The following WDR25 variants were observed in gnomAD, a reference collection of about 807,000 sequenced individuals.
WDR25 encodes the protein WD repeat-containing protein 25.
Under a neutral mutation model 47.7 loss-of-function variants are expected in WDR25, and 35 were observed. The observed-to-expected ratio is 0.73, with a 90% CI of 0.56 to 0.97. The LOEUF (loss-of-function observed/expected upper bound fraction) is 0.97. WDR25 is among the 50% of genes least tolerant of loss of function. WDR25 has a pLI of 0.00. For synonymous variants in WDR25, 248 were observed against 278.9 expected (o/e 0.89, Z 1.10); for missense variants, 634 against 704.7 (o/e 0.90, Z 1.14).
chr14:100,432,373 G>A (rs992963294), intron 2 of WDR25, among the ~76,000 whole-genome samples: 6 of 152,140 alleles, frequency 3.9e-5, no homozygotes, highest in Non-Finnish European at 7.3e-5. Flanking sequence ...TTACTGTCAC[G>A]ATGCCTGAAT....
chr14:100,470,591 A>G (rs1566926009), intron 3 of WDR25, among the ~76,000 whole-genome samples: 1 of 152,214 alleles, frequency 6.6e-6, no homozygotes, highest in Non-Finnish European at 1.5e-5. Context: ...CTGCCATAGC[A>G]GCTGGCGGGC....
intron 4 of WDR25, among the ~76,000 whole-genome samples, chr14:100,513,748 A>C (rs1901390368): frequency 6.6e-6 from 1 of 151,294 alleles, no homozygotes; most frequent in African/African-American, 2.4e-5. Context: ...GGCTGGTCTC[A>C]AATTCCTGAG....
chr14:100,521,069 T>G (rs892282173), intron 4 of WDR25, among the ~76,000 whole-genome samples: 1 of 152,198 alleles, frequency 6.6e-6, no homozygotes, highest in Non-Finnish European at 1.5e-5. Context: ...ATTGGCAAAC[T>G]ACAGTTGATG....
intron 4 of WDR25, among the ~76,000 whole-genome samples, chr14:100,521,510 C>T (rs2029877919): frequency 2.0e-5 from 3 of 152,174 alleles, no homozygotes; most frequent in Non-Finnish European, 2.9e-5. Context: ...CTCTTCTTTA[C>T]ACAGTTTTTT....
At chr14:100,423,345 C>T (rs1228303067) in intron 2 of WDR25, among the ~76,000 whole-genome samples, 1 of 152,072 alleles carries the variant, frequency 6.6e-6, no homozygotes, top group African/African-American at 2.4e-5. Flanking sequence ...GGTTGGCAGG[C>T]CCCAGTGTGG....
intron 2 of WDR25, among the ~76,000 whole-genome samples, chr14:100,396,713 A>T (rs932037544): frequency 2.6e-5 from 4 of 152,212 alleles, no homozygotes; most frequent in African/African-American, 9.6e-5. Flanking sequence ...GGCCAGGGGA[A>T]ATCTCTGTCC....
rs2030093349 is a variant in WDR25, at chr14:100,525,783, C to T, written c.1102-87C>T. ...CCCAGCATAAACTTCACTAAACCTGCCTGCCCCCTGGGTCCTTGGCCTTCC... is the reference window on the plus strand; with the variant it reads ...CCCAGCATAAACTTCACTAAACCTGTCTGCCCCCTGGGTCCTTGGCCTTCC... On this transcript the variant is annotated intron_variant, in intron 4 of 6. Coordinates refer to ENST00000402312, the MANE Select transcript of WDR25 (RefSeq NM_001161476.3). The surrounding 1 kb of genome is among the most constrained non-coding windows in gnomAD (Gnocchi z 4.6). 2 of 1,509,464 alleles carry T rather than the reference C, an allele frequency of 1.3e-6. No individual in the cohort carries two copies. Among genetic ancestry groups the T allele is most frequent in the Non-Finnish European group, 1.8e-6 (2 of 1,119,896 alleles). The allele number at this position is 1,509,464 out of a possible 1,614,324, so 93.5% of individuals were successfully genotyped here. A position where few individuals can be genotyped will look rare whatever the true frequency, so the allele number is the denominator to read the frequency against.
At chr14:100,423,862 C>T (rs1362259836) in intron 2 of WDR25, among the ~76,000 whole-genome samples, 1 of 152,200 alleles carries the variant, frequency 6.6e-6, no homozygotes, top group Non-Finnish European at 1.5e-5. Flanking sequence ...GCATCTACAT[C>T]TTGAGGGGCT....
Position 100,468,234 on chromosome 14 carries a change from T to C in WDR25, c.970+66T>C. Reference sequence around the variant, plus strand: ...TCTCTCCCTGGGGAAGGTTCTCTGGTGGGCACGCAGCCACAAGCTGTATAC... The same window carrying C: ...TCTCTCCCTGGGGAAGGTTCTCTGGCGGGCACGCAGCCACAAGCTGTATAC... On this transcript the variant is annotated intron_variant, in intron 3 of 6. Transcript: ENST00000402312. This position sits in a 1 kb window ranked among gnomAD's most constrained non-coding sequence, Gnocchi z 4.5. 1 of 1,563,172 alleles carries C rather than the reference T, an allele frequency of 6.4e-7. No individual in the cohort carries two copies. Among genetic ancestry groups the C allele is most frequent in the Middle Eastern group, 1.7e-4 (1 of 5,774 alleles).
chr14:100,501,452 C>T (rs1401260702), intron 4 of WDR25, among the ~76,000 whole-genome samples: 2 of 152,196 alleles, frequency 1.3e-5, no homozygotes, highest in Non-Finnish European at 2.9e-5. Context: ...AGACAGCATA[C>T]CTGGCCAAAA....
rs115496063 is a variant in WDR25, at chr14:100,523,442, G to T, written c.1102-2428G>T. 6.6e-6 allele frequency among the ~76,000 whole-genome samples: 1 copy of T among 152,162 alleles called. No homozygotes were observed. The highest frequency in any genetic ancestry group is 2.4e-5 in the African/African-American group (1 of 41,444). On this transcript the variant is annotated intron_variant, in intron 4 of 6. Coordinates refer to ENST00000402312, the MANE Select transcript of WDR25 (RefSeq NM_001161476.3). The surrounding 1 kb of genome is among the most constrained non-coding windows in gnomAD (Gnocchi z 4.7). The stretch of plus-strand genomic sequence containing the variant: ...GGGTGAGGGATAGCTGGGTGCATCC[G>T]CCAGTCCTTCTTCTTTCTGAGGACC...
At chr14:100,451,243 CTTTT>C (rs11288233) in intron 2 of WDR25, among the ~76,000 whole-genome samples, 3 of 134,652 alleles carry the variant, frequency 2.2e-5, no homozygotes, top group Admixed American at 1.5e-4. Flanking sequence ...CCAAAGCATT[CTTTT>C]TTTTTTTTTT....
intron 4 of WDR25, among the ~76,000 whole-genome samples, chr14:100,518,271 G>T (rs972995619): frequency 6.6e-6 from 1 of 152,076 alleles, no homozygotes; most frequent in African/African-American, 2.4e-5. Context: ...TTGGATTGAT[G>T]CTAATTTACC....
intron 2 of WDR25, among the ~76,000 whole-genome samples, chr14:100,460,108 C>CA (rs550531745): frequency 0.019 from 2,611 of 136,782 alleles, 40 homozygotes; most frequent in East Asian, 0.032. Context: ...AACATAGATA[C>CA]AAAATTTTTT....
chr14:100,459,837 T>C (rs1899318827), intron 2 of WDR25, among the ~76,000 whole-genome samples: 1 of 147,642 alleles, frequency 6.8e-6, no homozygotes, highest in African/African-American at 2.5e-5. Context: ...TATGGTACTC[T>C]AGTCATGGCA....
At chr14:100,514,838 A>G (rs1013433976) in intron 4 of WDR25, among the ~76,000 whole-genome samples, 1 of 152,262 alleles carries the variant, frequency 6.6e-6, no homozygotes, top group South Asian at 2.1e-4. Context: ...TAGATCTGGT[A>G]TCATTTTCTT....
chr14:100,394,210 G>C (rs1897207186), intron 2 of WDR25, among the ~76,000 whole-genome samples: 1 of 152,170 alleles, frequency 6.6e-6, no homozygotes, highest in South Asian at 2.1e-4. Context: ...ATAATCCGGT[G>C]CGCACCCAGT....
At chr14:100,385,022 A>G (rs1896987519) in intron 2 of WDR25, among the ~76,000 whole-genome samples, 1 of 152,192 alleles carries the variant, frequency 6.6e-6, no homozygotes, top group Non-Finnish European at 1.5e-5. Flanking sequence ...CACCAAGTGC[A>G]ATGCCTGGCA....
chr14:100,439,390 A>G (rs2140244079), intron 2 of WDR25, among the ~76,000 whole-genome samples: 1 of 152,284 alleles, frequency 6.6e-6, no homozygotes, highest in Middle Eastern at 3.4e-3. Flanking sequence ...ATCTGATGGC[A>G]TTTTGTGTGG....
Sources: allele counts gnomAD v4.1 joint callset (sites outside exome capture counted in the v4.1 genomes callset), GRCh38; gene constraint gnomAD v4.1.1; non-coding constraint Gnocchi (gnomAD v3.1); transcripts MANE v1.5; gene names NCBI Gene and HGNC (gene_info 2026-07-23, HGNC 2026-07-21).